The following FREM2 variants were observed in gnomAD, a reference collection of about 807,000 sequenced individuals.
The protein encoded by FREM2 is FRAS1-related extracellular matrix protein 2.
Under a neutral mutation model 219.9 loss-of-function variants are expected in FREM2, and 119 were observed. That is an observed-to-expected ratio of 0.54 (90% CI 0.47 to 0.63). FREM2 has a LOEUF of 0.63. Among genes scored for constraint, FREM2 ranks in the 30% least tolerant of loss-of-function variants. The pLI, the probability that FREM2 is intolerant of heterozygous loss-of-function variation, is 0.00. For missense variants in FREM2, 4,030 were observed against 3,993.6 expected, an observed-to-expected ratio of 1.01 and a Z score of -0.25; for synonymous variants, 1,562 against 1,522.8, an observed-to-expected ratio of 1.03 and a Z score of -0.60.
intron 6 of FREM2, among the ~76,000 whole-genome samples, chr13:38,819,473 C>T (rs1228657014): frequency 6.6e-6 from 1 of 152,118 alleles, no homozygotes; most frequent in Non-Finnish European, 1.5e-5. Context: ...TGTGGCAGGA[C>T]ATAGGGCTGG....
rs140508384 is a variant in FREM2, at chr13:38,809,497, G to A, written c.6019+24689G>A. ...AGTCTTTAATCCATTTTTATTTGAT[G>A]TTTGTATAAGGCGAGAGATAGGGAT... On this transcript the variant is annotated intron_variant, in intron 6 of 23. Coordinates refer to ENST00000280481, the MANE Select transcript of FREM2 (RefSeq NM_207361.6). 7.5e-3 allele frequency among the ~76,000 whole-genome samples: 1,135 copies of A among 151,842 alleles called. 9 individuals are homozygous for A. Among genetic ancestry groups the A allele is most frequent in the Non-Finnish European group, 0.013 (859 of 67,836 alleles).
intron 4 of FREM2, among the ~76,000 whole-genome samples, chr13:38,775,765 C>T (rs1873846371): frequency 1.3e-5 from 2 of 152,106 alleles, no homozygotes; most frequent in Admixed American, 1.3e-4. Context: ...ATTACAGGTG[C>T]ACACCACCAT....
At chr13:38,749,012 T>C (rs1201213158) in intron 2 of FREM2, among the ~76,000 whole-genome samples, 7 of 152,318 alleles carry the variant, frequency 4.6e-5, no homozygotes, top group Non-Finnish European at 8.8e-5. Flanking sequence ...GGAGTCTGGA[T>C]AACTTGTGTT....
intron 13 of FREM2, among the ~76,000 whole-genome samples, chr13:38,858,709 C>T (rs900917277): frequency 6.6e-6 from 1 of 152,004 alleles, no homozygotes; most frequent in Non-Finnish European, 1.5e-5. Context: ...GATAATTTGG[C>T]GTCAAAGTAT....
chr13:38,766,962 A>G (rs1361819980), intron 3 of FREM2, among the ~76,000 whole-genome samples: 3 of 152,170 alleles, frequency 2.0e-5, no homozygotes, highest in Non-Finnish European at 4.4e-5. Context: ...TTATTGAGTT[A>G]TTTGCTGGGC....
intron 17 of FREM2, 50 bp from the exon 18 acceptor site, chr13:38,874,432 G>C (rs111882135): frequency 1.3e-5 from 18 of 1,404,776 alleles, no homozygotes; most frequent in African/African-American, 7.1e-5. Context: ...CTGTACATAA[G>C]GGGTCTCTGG....
intron 2 of FREM2, among the ~76,000 whole-genome samples, chr13:38,730,032 T>C (rs759550655): frequency 3.3e-4 from 50 of 152,254 alleles, no homozygotes; most frequent in Non-Finnish European, 6.9e-4. Flanking sequence ...TGGATAATTG[T>C]GTAGGAGTGC....
At chr13:38,835,927 C>A (rs1344496624) in intron 6 of FREM2, among the ~76,000 whole-genome samples, 1 of 152,106 alleles carries the variant, frequency 6.6e-6, no homozygotes, top group Non-Finnish European at 1.5e-5. Flanking sequence ...TATATGAATA[C>A]CTTTATTTCT....
chr13:38,886,030 G>C lies in FREM2; in HGVS notation c.*5243G>C, dbSNP rs1335838294. 1 of 152,144 alleles carries C rather than the reference G, an allele frequency of 6.6e-6. No individual in the cohort carries two copies. The highest frequency in any genetic ancestry group is 1.5e-5 in the Non-Finnish European group (1 of 68,022). The allele number at this position is 152,144 out of a possible 1,614,324, so 9.4% of individuals were successfully genotyped here. On this transcript the variant is annotated 3_prime_UTR_variant, in exon 24 of 24. Transcript: ENST00000280481. ...CTACACTGATTACATGATTGTCACA[G>C]TTTAAGTGAATTTCTACTATGGATC... is the stretch of plus-strand genomic sequence containing the variant.
Position 38,848,730 on chromosome 13 carries a change from T to C in FREM2, c.6379+60T>C, listed in dbSNP as rs1877259702. On this transcript the variant is annotated intron_variant, in intron 8 of 23. Transcript: ENST00000280481. The stretch of plus-strand genomic sequence containing the variant: ...AATTGAAATCATAAGCTAAGGTTTA[T>C]GTATATATGATAAGCAAGATGATTA... 11 of 1,364,718 alleles carry C rather than the reference T, an allele frequency of 8.1e-6. No individual in the cohort carries two copies. In the South Asian group the frequency reaches 1.2e-4, roughly 15 times the overall value. 84.5% of individuals were successfully genotyped at this position (1,364,718 alleles called of 1,614,324 possible). A position where few individuals can be genotyped will look rare whatever the true frequency, so the allele number is the denominator to read the frequency against.
At chr13:38,784,022 C>T (rs980087697) in intron 5 of FREM2, among the ~76,000 whole-genome samples, 1 of 152,240 alleles carries the variant, frequency 6.6e-6, no homozygotes, top group Admixed American at 6.5e-5. Context: ...TTGCTTGAAC[C>T]CAGGAGGCGG....
chr13:38,733,550 T>A (rs1474056712), intron 2 of FREM2, among the ~76,000 whole-genome samples: 1 of 152,076 alleles, frequency 6.6e-6, no homozygotes, highest in Non-Finnish European at 1.5e-5. Flanking sequence ...ATGGAATGTT[T>A]TAGGAAAAAA....
chr13:38,830,661 T>C (rs1876471153), intron 6 of FREM2, among the ~76,000 whole-genome samples: 1 of 152,220 alleles, frequency 6.6e-6, no homozygotes, highest in Non-Finnish European at 1.5e-5. Flanking sequence ...CGCCCTTTCC[T>C]ATACTACAGC....
At chr13:38,875,977 A>C (rs199561421) in intron 18 of FREM2, 45 bp from the exon 19 acceptor site, 1 of 1,553,156 alleles carries the variant, frequency 6.4e-7, no homozygotes, top group Non-Finnish European at 8.9e-7. Flanking sequence ...GCACTCTTTT[A>C]ATTGAACCAC....
intron 6 of FREM2, among the ~76,000 whole-genome samples, chr13:38,794,916 G>T (rs770196121): frequency 2.6e-5 from 4 of 152,082 alleles, no homozygotes; most frequent in Non-Finnish European, 5.9e-5. Flanking sequence ...AAACCTCAAA[G>T]CAACTTTATG....
Position 38,880,316 on chromosome 13 carries a change from G to T in FREM2, c.9039G>T (p.Thr3013=), listed in dbSNP as rs778921769. ...TAGGCCGAGAATGGTATATACATAC[G>T]ATCTATACAGTGAGATCGAAAGACA... ...VALGREWYIH[T]IYTVRSKDNA... Residue 3013 remains threonine, a synonymous_variant, in exon 24 of 24, where the codon ACG becomes ACT. Transcript: ENST00000280481. 1 of 1,613,926 alleles carries T rather than the reference G, an allele frequency of 6.2e-7. No individual in the cohort carries two copies. The highest frequency in any genetic ancestry group is 1.7e-5 in the Admixed American group (1 of 60,010).
chr13:38,760,511 TG>T (rs1873185608), intron 2 of FREM2, among the ~76,000 whole-genome samples: 1 of 152,224 alleles, frequency 6.6e-6, no homozygotes. Context: ...CAATAATCCC[TG>T]GGAGTGTCAT....
At chr13:38,827,533 C>T (rs1876340138) in intron 6 of FREM2, 1 of 152,072 alleles carries the variant, frequency 6.6e-6, no homozygotes, top group Non-Finnish European at 1.5e-5. Flanking sequence ...GTATGTTTCT[C>T]ATTGGAGTTT....
chr13:38,817,810 C>T (rs556010892), intron 6 of FREM2, among the ~76,000 whole-genome samples: 13 of 151,730 alleles, frequency 8.6e-5, no homozygotes, highest in African/African-American at 2.4e-4. Flanking sequence ...ACTATAGATG[C>T]GAAAACGGGT....
Sources: allele counts gnomAD v4.1 joint callset (sites outside exome capture counted in the v4.1 genomes callset), GRCh38; gene constraint gnomAD v4.1.1; transcripts MANE v1.5; gene names NCBI Gene and HGNC (gene_info 2026-07-23, HGNC 2026-07-21).